Variants in SEMA3D observed in about 807,000 individuals in gnomAD.
The protein encoded by SEMA3D is semaphorin 3D, also known as semaphorin-3D.
Under a neutral mutation model 100.1 loss-of-function variants are expected in SEMA3D, and 84 were observed. The ratio of observed to expected loss-of-function variants is 0.84; its 90% confidence interval spans 0.70 to 1.01. SEMA3D has a LOEUF of 1.01. SEMA3D is among the 50% of genes least tolerant of loss of function. The probability of loss-of-function intolerance (pLI) is 0.00; values close to 1 mark genes in which losing one functional copy is unlikely to be tolerated. For synonymous variants in SEMA3D, 312 were observed against 320.7 expected (o/e 0.97, Z 0.29); for missense variants, 875 against 934.1 (o/e 0.94, Z 0.82).
chr7:85,141,085 A>G, intron 2 of SEMA3D: 1 of 944,804 alleles, frequency 1.1e-6, no homozygotes, highest in South Asian at 4.9e-5. Context: ...TATTCAGTTC[A>G]CATTAAAAAT....
In SEMA3D at chr7:85,064,777, GATTA is replaced by G. The variant is rs369458802; in HGVS notation, c.718+643_718+646del. ...GTTAGGTGCCTTGTAGTGTTCCTTG[GATTA>G]ATTAAATAAACTCATTTATAATATT... On this transcript the variant is annotated intron_variant, in intron 8 of 18. Transcript: ENST00000284136. Among the ~76,000 whole-genome samples, 345 of 151,924 alleles carry G rather than the reference GATTA, an allele frequency of 2.3e-3. 1 individual carries two copies. Among genetic ancestry groups the G allele is most frequent in the African/African-American group, 7.7e-3 (319 of 41,450 alleles).
At chr7:85,123,696 C>T (rs1364509270) in intron 2 of SEMA3D, among the ~76,000 whole-genome samples, 1 of 152,036 alleles carries the variant, frequency 6.6e-6, no homozygotes, top group Admixed American at 6.6e-5. Context: ...TAAGTTGTTT[C>T]ATCAATCATT....
the SEMA3D span, among the ~76,000 whole-genome samples, chr7:85,231,513 C>CAG: frequency 7.6e-6 from 1 of 130,966 alleles, no homozygotes; most frequent in South Asian, 2.4e-4. Context: ...AGTAGTGGGG[C>CAG]GATCTCGGCT....
chr7:85,009,177 T>A (rs1383398366), intron 17 of SEMA3D, among the ~76,000 whole-genome samples: 1 of 151,650 alleles, frequency 6.6e-6, no homozygotes. Context: ...GAGTTTTTTT[T>A]TCCTCTAGAT....
At chr7:85,192,778 A>G in the SEMA3D span, among the ~76,000 whole-genome samples, 1 of 152,304 alleles carries the variant, frequency 6.6e-6, no homozygotes, top group African/African-American at 2.4e-5. Flanking sequence ...TCATCATAAT[A>G]CCATTAACAA....
chr7:85,246,306 C>T, the SEMA3D span, among the ~76,000 whole-genome samples: 1 of 151,980 alleles, frequency 6.6e-6, no homozygotes, highest in Non-Finnish European at 1.5e-5. Context: ...GTAATTTTCA[C>T]AAATGACAAC....
intron 8 of SEMA3D, among the ~76,000 whole-genome samples, chr7:85,056,409 C>T (rs570493518): frequency 9.5e-4 from 144 of 151,956 alleles, no homozygotes; most frequent in African/African-American, 3.3e-3. Context: ...ACCTTTGACA[C>T]ATTATTTATC....
chr7:85,000,440 T>C (rs1789625028), intron 18 of SEMA3D, among the ~76,000 whole-genome samples: 1 of 152,178 alleles, frequency 6.6e-6, no homozygotes, highest in Non-Finnish European at 1.5e-5. Flanking sequence ...AATGATGACG[T>C]CTTTAAAGTC....
the SEMA3D span, among the ~76,000 whole-genome samples, chr7:85,200,698 T>A: frequency 6.6e-6 from 1 of 152,192 alleles, no homozygotes; most frequent in African/African-American, 2.4e-5. Context: ...AGGAGCTGAA[T>A]GTTAATTGCC....
chr7:85,130,159 C>A (rs1342231608), intron 2 of SEMA3D, among the ~76,000 whole-genome samples: 1 of 152,080 alleles, frequency 6.6e-6, no homozygotes, highest in Non-Finnish European at 1.5e-5. Flanking sequence ...CTTAGCATCA[C>A]ATGTGGAATT....
intron 2 of SEMA3D, among the ~76,000 whole-genome samples, chr7:85,134,175 A>T (rs1374492238): frequency 1.3e-5 from 2 of 152,038 alleles, no homozygotes; most frequent in Non-Finnish European, 2.9e-5. Flanking sequence ...GAACATACTT[A>T]ATTGCTTTAT....
chr7:85,172,439 T>C (rs1791110127), intron 1 of SEMA3D, among the ~76,000 whole-genome samples: 1 of 152,024 alleles, frequency 6.6e-6, no homozygotes, highest in Non-Finnish European at 1.5e-5. Flanking sequence ...AAGTGACCTT[T>C]AAGTTCAATT....
intron 18 of SEMA3D, among the ~76,000 whole-genome samples, chr7:85,004,483 G>A (rs1248738088): frequency 6.6e-6 from 1 of 152,016 alleles, no homozygotes; most frequent in African/African-American, 2.4e-5. Context: ...GCTAGTTATA[G>A]CATAAACATC....
At chr7:85,232,510 A>AAG in the SEMA3D span, among the ~76,000 whole-genome samples, 1 of 152,220 alleles carries the variant, frequency 6.6e-6, no homozygotes, top group South Asian at 2.1e-4. Flanking sequence ...TTGGGATAAT[A>AAG]TCCTCCTGCA....
the SEMA3D span, among the ~76,000 whole-genome samples, chr7:85,209,540 G>A: frequency 4.0e-5 from 6 of 151,834 alleles, no homozygotes; most frequent in African/African-American, 7.3e-5. Flanking sequence ...CTCACTAATC[G>A]ATTACTTAAA....
At chr7:85,161,265 G>T (rs1042704990) in intron 1 of SEMA3D, among the ~76,000 whole-genome samples, 4 of 151,934 alleles carry the variant, frequency 2.6e-5, no homozygotes, top group African/African-American at 7.3e-5. Flanking sequence ...CAAATAATTG[G>T]TCCTTTTAAC....
chr7:85,167,179 A>G (rs1790929159), intron 1 of SEMA3D: 1 of 655,882 alleles, frequency 1.5e-6, no homozygotes, highest in Non-Finnish European at 1.9e-6. Context: ...GCAGGGAGCT[A>G]TATCAACTAC....
chr7:85,201,980 A>G, the SEMA3D span, among the ~76,000 whole-genome samples: 2 of 151,630 alleles, frequency 1.3e-5, no homozygotes, highest in African/African-American at 4.8e-5. Context: ...TCATCATCTC[A>G]ATATGCTAGG....
chr7:85,065,023 C>A (rs1174439203), intron 8 of SEMA3D, among the ~76,000 whole-genome samples: 1 of 152,084 alleles, frequency 6.6e-6, no homozygotes, highest in Non-Finnish European at 1.5e-5. Flanking sequence ...ACACAGACTG[C>A]AAGAGTAAGA....
Sources: allele counts gnomAD v4.1 joint callset (sites outside exome capture counted in the v4.1 genomes callset), GRCh38; gene constraint gnomAD v4.1.1; transcripts MANE v1.5; gene names NCBI Gene and HGNC (gene_info 2026-07-23, HGNC 2026-07-21).